The following CD28 variants were observed in gnomAD, a reference collection of about 807,000 sequenced individuals.
The protein encoded by CD28 is CD28 molecule, also known as T-cell-specific surface glycoprotein CD28.
CD28 carries 8 observed loss-of-function variants against 21.4 expected under a neutral mutation model. The ratio of observed to expected loss-of-function variants is 0.37; its 90% CI spans 0.22 to 0.68. The LOEUF (loss-of-function observed/expected upper bound fraction) is 0.68. Among genes scored for constraint, CD28 ranks in the 30% least tolerant of loss-of-function variants. The pLI is 0.55. For synonymous variants in CD28, 106 were observed against 104.0 expected, an observed-to-expected ratio of 1.02 and a Z score of -0.12; for missense variants, 239 against 272.2, an observed-to-expected ratio of 0.88 and a Z score of 0.86.
chr2:203,717,900 T>C (rs4673259), intron 1 of CD28, among the ~76,000 whole-genome samples: 9,692 of 152,236 alleles, frequency 0.064, 804 homozygotes, highest in East Asian at 0.47. Context: ...ACTTTCAAGA[T>C]AACAGTCAAC....
intron 1 of CD28, among the ~76,000 whole-genome samples, chr2:203,723,080 C>T (rs1693646313): frequency 6.6e-6 from 1 of 152,142 alleles, no homozygotes; most frequent in Non-Finnish European, 1.5e-5. Context: ...TAGATTTTTC[C>T]AGGTGATTCT....
intron 2 of CD28, among the ~76,000 whole-genome samples, chr2:203,729,073 A>G (rs1039055565): frequency 6.6e-6 from 1 of 152,158 alleles, no homozygotes; most frequent in Non-Finnish European, 1.5e-5. Context: ...TTCTAGTTCT[A>G]ATTTTCTCTA....
intron 2 of CD28, among the ~76,000 whole-genome samples, chr2:203,728,161 G>A (rs1693802856): frequency 6.6e-6 from 1 of 152,138 alleles, no homozygotes; most frequent in African/African-American, 2.4e-5. Context: ...TAGAAACCGG[G>A]GGACATAAAA....
At chr2:203,711,604 C>G (rs1046394038) in intron 1 of CD28, among the ~76,000 whole-genome samples, 1 of 152,136 alleles carries the variant, frequency 6.6e-6, no homozygotes, top group South Asian at 2.1e-4. Context: ...GTTAATGGTT[C>G]CTGATGGTAT....
intron 3 of CD28, among the ~76,000 whole-genome samples, chr2:203,730,403 A>G (rs1343971113): frequency 1.3e-5 from 2 of 152,144 alleles, no homozygotes; most frequent in South Asian, 2.1e-4. Context: ...AATGTGGTGT[A>G]TTTTTCTTTA....
Position 203,735,328 on chromosome 2 carries a change from G to T in CD28, c.*416G>T, listed in dbSNP as rs1694004013. The T allele has an allele frequency of 5.5e-6, 1 of 180,182 alleles. No homozygotes were observed. The highest frequency in any genetic ancestry group is 1.2e-5 in the Non-Finnish European group (1 of 86,034). 11.2% of individuals were successfully genotyped at this position (180,182 alleles called of 1,614,324 possible). On this transcript the variant is annotated 3_prime_UTR_variant, in exon 4 of 4. Coordinates refer to ENST00000324106, the MANE Select transcript of CD28 (RefSeq NM_006139.4). ...AGGAAATCATTCCTTTTGGTTAAATGGGTGTTTAATCTTTTGGTTAGTGGG... is the reference window on the plus strand; with the variant it reads ...AGGAAATCATTCCTTTTGGTTAAATTGGTGTTTAATCTTTTGGTTAGTGGG...
chr2:203,734,678 A>C (rs889520504), intron 3 of CD28, 106 bp from the exon 4 acceptor site: 2 of 1,378,302 alleles, frequency 1.5e-6, no homozygotes, highest in African/African-American at 2.8e-5. Context: ...TTAGTGTTTT[A>C]GTGTCTCTGT....
chr2:203,732,118 T>C (rs908340844), intron 3 of CD28, among the ~76,000 whole-genome samples: 4 of 152,216 alleles, frequency 2.6e-5, no homozygotes, highest in African/African-American at 7.2e-5. Flanking sequence ...AGCTGTTTCC[T>C]GGGTAATTTT....
rs1581523635 is a variant in CD28 at position 203,737,109 on chromosome 2, C to T, written c.*2197C>T. 1.3e-5 allele frequency: 2 copies of T among 152,202 alleles called. No individual in the cohort carries two copies. Among genetic ancestry groups the T allele is most frequent in the South Asian group, 4.1e-4 (2 of 4,820 alleles). The allele number at this position is 152,202 out of a possible 1,614,324, so 9.4% of individuals were successfully genotyped here. On this transcript the variant is annotated 3_prime_UTR_variant, in exon 4 of 4. Coordinates refer to ENST00000324106, the MANE Select transcript of CD28 (RefSeq NM_006139.4). ...GTAATGAAATATAAGGCACCTCCCA[C>T]TTTTATGTATAGAAAGAGGTCTTTT... is the stretch of plus-strand genomic sequence containing the variant.
At chr2:203,721,844 C>T (rs1342869834) in intron 1 of CD28, among the ~76,000 whole-genome samples, 1 of 152,148 alleles carries the variant, frequency 6.6e-6, no homozygotes, top group Non-Finnish European at 1.5e-5. Context: ...TCTTCTCTCC[C>T]ATGTGCATCT....
chr2:203,709,822 T>C (rs572770000), intron 1 of CD28, among the ~76,000 whole-genome samples: 17 of 152,324 alleles, frequency 1.1e-4, no homozygotes, highest in Admixed American at 2.6e-4. Flanking sequence ...TTACCACTTA[T>C]TTTTCCATGA....
chr2:203,707,110 C>G (rs1693177921), intron 1 of CD28, among the ~76,000 whole-genome samples: 1 of 151,972 alleles, frequency 6.6e-6, no homozygotes, highest in African/African-American at 2.4e-5. Context: ...TCCCAAAGTG[C>G]TAGGGTTACA....
At chr2:203,714,136 G>A (rs1255546409) in intron 1 of CD28, among the ~76,000 whole-genome samples, 3 of 152,128 alleles carry the variant, frequency 2.0e-5, no homozygotes, top group Non-Finnish European at 4.4e-5. Flanking sequence ...TGGTAGATGA[G>A]TGATTCTATA....
intron 1 of CD28, among the ~76,000 whole-genome samples, chr2:203,712,910 T>A (rs1693355469): frequency 6.6e-6 from 1 of 152,194 alleles, no homozygotes; most frequent in African/African-American, 2.4e-5. Flanking sequence ...TCCTATGAGG[T>A]AGTTACTATG....
chr2:203,725,861 T>G (rs1693731939), intron 1 of CD28, among the ~76,000 whole-genome samples: 1 of 152,186 alleles, frequency 6.6e-6, no homozygotes. Flanking sequence ...AAAGTAAAAA[T>G]GTTTCAAAAT....
At chr2:203,715,885 C>T (rs896456197) in intron 1 of CD28, among the ~76,000 whole-genome samples, 1 of 152,168 alleles carries the variant, frequency 6.6e-6, no homozygotes, top group African/African-American at 2.4e-5. Flanking sequence ...ATACCAGCTG[C>T]CACCTCCACA....
At chr2:203,715,866 G>T (rs1693449288) in intron 1 of CD28, among the ~76,000 whole-genome samples, 2 of 152,072 alleles carry the variant, frequency 1.3e-5, no homozygotes, top group Non-Finnish European at 2.9e-5. Flanking sequence ...TGCCTTGTTT[G>T]ACCCTTTCAT....
intron 1 of CD28, among the ~76,000 whole-genome samples, chr2:203,710,101 G>T: frequency 6.6e-6 from 1 of 152,218 alleles, no homozygotes; most frequent in East Asian, 1.9e-4. Context: ...GTTGCTCTGA[G>T]ACTGGGCTTG....
At chr2:203,719,657 G>C (rs4675359) in intron 1 of CD28, among the ~76,000 whole-genome samples, 139,626 of 152,280 alleles carry the variant, frequency 0.92, 64,079 homozygotes, top group East Asian at 0.99. Context: ...GTTTCCCCAT[G>C]TGTAAGATGG....
Sources: allele counts gnomAD v4.1 joint callset (sites outside exome capture counted in the v4.1 genomes callset), GRCh38; gene constraint gnomAD v4.1.1; transcripts MANE v1.5; gene names NCBI Gene and HGNC (gene_info 2026-07-23, HGNC 2026-07-21).